The following L3MBTL2 variants were observed in gnomAD, a reference collection of about 807,000 sequenced individuals.
L3MBTL2 encodes the protein lethal(3)malignant brain tumor-like protein 2.
A neutral mutation model predicts 86.4 loss-of-function variants in L3MBTL2; 49 were observed. The ratio of observed to expected loss-of-function variants is 0.57; its 90% CI spans 0.45 to 0.72. L3MBTL2 has a LOEUF of 0.72. L3MBTL2 is among the 30% of genes least tolerant of loss of function. The pLI is 0.00. For synonymous variants in L3MBTL2, 336 were observed against 350.6 expected, an observed-to-expected ratio of 0.96 and a Z score of 0.47; for missense variants, 755 against 923.7, an observed-to-expected ratio of 0.82 and a Z score of 2.37.
chr22:41,225,057 G>A lies in L3MBTL2; in HGVS notation c.1342G>A (p.Ala448Thr). Residue 448 changes from alanine to threonine, a missense_variant, in exon 11 of 17, where the codon GCA becomes ACA. Transcript: ENST00000216237. The surrounding 1 kb of genome is among the most constrained non-coding windows in gnomAD (Gnocchi z 4.1). ...DPLNLGNICV[A>T]TVCKVLLDGY... ...CCTGAATCTGGGCAACATCTGCGTG[G>A]CAACTGTCTGTAAGGTGAGCCAGGG... 1 of 1,613,766 alleles carries A rather than the reference G, an allele frequency of 6.2e-7. No homozygotes were observed. Among genetic ancestry groups the A allele is most frequent in the Non-Finnish European group, 8.5e-7 (1 of 1,179,794 alleles).
rs1896253041 is a variant in L3MBTL2 at position 41,225,651 on chromosome 22, G to C, written c.1357-143G>C. On this transcript the variant is annotated intron_variant, in intron 11 of 16. Coordinates refer to ENST00000216237, the MANE Select transcript of L3MBTL2 (RefSeq NM_031488.5). The surrounding 1 kb of genome is among the most constrained non-coding windows in gnomAD (Gnocchi z 4.1). Reference sequence around the variant, plus strand: ...TCACAGAAGTACTGTGTGCCCCAGAGAGGCTCAGGTGTCCTCCAGGAGGGC... The same window carrying C: ...TCACAGAAGTACTGTGTGCCCCAGACAGGCTCAGGTGTCCTCCAGGAGGGC... The C allele has an allele frequency of 1.3e-6, 1 of 759,078 alleles. No homozygotes were observed. The highest frequency in any genetic ancestry group is 2.8e-5 in the East Asian group (1 of 36,024). The allele number at this position is 759,078 out of a possible 1,614,324, so 47.0% of individuals were successfully genotyped here. A position where few individuals can be genotyped will look rare whatever the true frequency, so the allele number is the denominator to read the frequency against.
intron 4 of L3MBTL2, among the ~76,000 whole-genome samples, chr22:41,216,537 T>C (rs139462): frequency 0.42 from 63,213 of 151,690 alleles, 13,855 homozygotes; most frequent in African/African-American, 0.56. Flanking sequence ...GCTTTTATCC[T>C]TTTGGTTTCT....
At chr22:41,209,557 T>C in intron 1 of L3MBTL2, 139 bp from the exon 2 acceptor site, 1 of 690,150 alleles carries the variant, frequency 1.4e-6, no homozygotes. Context: ...ATAGAAGTAA[T>C]GATCTTGGTG....
At position 41,205,394 on chromosome 22, in the gene L3MBTL2, G is replaced by A. The variant is rs1202615080; in HGVS notation, c.24+8G>A. The A allele has an allele frequency of 1.9e-6, 3 of 1,614,226 alleles. No individual in the cohort carries two copies. Among genetic ancestry groups the A allele is most frequent in the East Asian group, 2.2e-5 (1 of 44,890 alleles). On this transcript the variant is annotated splice_region_variant and intron_variant, in intron 1 of 16. Transcript: ENST00000216237. The stretch of plus-strand genomic sequence containing the variant: ...AAGCCCCGGAGTATTGAGGTGAGAA[G>A]GCGAGGACTTAGCGTGACTGGGAAA...
chr22:41,224,287 G>A lies in L3MBTL2; in HGVS notation c.1174+36G>A, dbSNP rs368929994. 14 of 1,547,930 alleles carry A rather than the reference G, an allele frequency of 9.0e-6. No homozygotes were observed. In the African/African-American group the frequency reaches 1.5e-4, roughly 17 times the overall value. ...CCCCAGGCCAGAGGGACTGCATGCTGTGCTTCCCCAGGGACGGAGTGGGAG... is the reference window on the plus strand; with the variant it reads ...CCCCAGGCCAGAGGGACTGCATGCTATGCTTCCCCAGGGACGGAGTGGGAG... On this transcript the variant is annotated intron_variant, in intron 9 of 16. Transcript: ENST00000216237. This position sits in a 1 kb window ranked among gnomAD's most constrained non-coding sequence, Gnocchi z 4.9.
chr22:41,205,887 C>T (rs1464024662), intron 1 of L3MBTL2: 1 of 161,104 alleles, frequency 6.2e-6, no homozygotes, highest in African/African-American at 2.4e-5. Flanking sequence ...GGAAGTTACC[C>T]CGGCTGGAAA....
At position 41,231,093 on chromosome 22, in the gene L3MBTL2, T is replaced by A. The variant is rs1218555313; in HGVS notation, c.*842T>A. The stretch of plus-strand genomic sequence containing the variant: ...ACTGGAGCCTCTAGAGAGCTGGGCT[T>A]GTATGTTCTTTTGGCCTTTTGTTCC... On this transcript the variant is annotated 3_prime_UTR_variant, in exon 17 of 17. Transcript: ENST00000216237. 1 of 152,172 alleles carries A rather than the reference T, an allele frequency of 6.6e-6. No individual in the cohort carries two copies. Among genetic ancestry groups the A allele is most frequent in the Non-Finnish European group, 1.5e-5 (1 of 68,036 alleles). 9.4% of individuals were successfully genotyped at this position (152,172 alleles called of 1,614,324 possible). A position where few individuals can be genotyped will look rare whatever the true frequency, so the allele number is the denominator to read the frequency against.
chr22:41,217,190 CT>C lies in L3MBTL2; in HGVS notation c.589del (p.Cys197ValfsTer14), dbSNP rs768283583. On this transcript the variant is annotated frameshift_variant, in exon 5 of 17. Coordinates refer to ENST00000216237, the MANE Select transcript of L3MBTL2 (RefSeq NM_031488.5). LOFTEE classifies it high-confidence loss of function. ...DHSYKAAPVS[C>X]FKHVPLYDQW... is the part of the protein sequence containing the mutation. ...ACAGTTACAAGGCTGCTCCCGTCAG[CT>C]GTTTCAAGCACGTGAGTGCCCTGGA... 1.9e-6 allele frequency: 3 copies of C among 1,613,200 alleles called. No individual in the cohort carries two copies. The highest frequency in any genetic ancestry group is 2.5e-6 in the Non-Finnish European group (3 of 1,179,756).
chr22:41,228,982 G>C (rs1230335914), intron 15 of L3MBTL2, among the ~76,000 whole-genome samples: 1 of 152,320 alleles, frequency 6.6e-6, no homozygotes, highest in Admixed American at 6.5e-5. Flanking sequence ...CGGGGGCTGA[G>C]TGTGATGGTT....
At chr22:41,207,705 C>T (rs1417998102) in intron 1 of L3MBTL2, among the ~76,000 whole-genome samples, 1 of 148,722 alleles carries the variant, frequency 6.7e-6, no homozygotes, top group Non-Finnish European at 1.5e-5. Flanking sequence ...CAGTGTCTTC[C>T]CTCTGTCATC....
intron 7 of L3MBTL2, 43 bp downstream of exon 7, chr22:41,220,911 C>T (rs751040326): frequency 5.0e-6 from 8 of 1,591,072 alleles, no homozygotes; most frequent in Non-Finnish European, 6.9e-6. Context: ...CCGTAGGGCC[C>T]CTGGTAGAGG....
rs770073704 is a variant in L3MBTL2 at position 41,227,173 on chromosome 22, G to A, written c.1672G>A (p.Val558Met). 6.2e-7 allele frequency: 1 copy of A among 1,613,790 alleles called. No homozygotes were observed. The highest frequency in any genetic ancestry group is 1.7e-5 in the Admixed American group (1 of 60,030). Residue 558 changes from valine (V) to methionine (M), a missense_variant, in exon 14 of 17, where the codon GTG becomes ATG. Physicochemically the swap from Val to Met is conservative, Grantham distance 21. Transcript: ENST00000216237. The surrounding 1 kb of genome is among the most constrained non-coding windows in gnomAD (Gnocchi z 6.0). ...MEPRLICVATVKRVVHRLLSI... is the reference protein window; with the variant it reads ...MEPRLICVATMKRVVHRLLSI... Reference sequence around the variant, plus strand: ...GCCCCGGCTCATCTGTGTGGCCACGGTGAAACGAGTGGTGCATCGGCTCCT... The same window carrying A: ...GCCCCGGCTCATCTGTGTGGCCACGATGAAACGAGTGGTGCATCGGCTCCT...
At position 41,209,616 on chromosome 22, in the gene L3MBTL2, T is replaced by G. The variant is rs921644569; in HGVS notation, c.25-80T>G. On this transcript the variant is annotated intron_variant, in intron 1 of 16. Transcript: ENST00000216237. ...GTTCCCGAAAGTGTGAGGGGGCTGA[T>G]AGCAGATCTGCAGCTTCTCCCCCCG... 5 of 1,239,108 alleles carry G rather than the reference T, an allele frequency of 4.0e-6. No homozygotes were observed. In the African/African-American group the frequency reaches 5.9e-5, roughly 15 times the overall value. 76.8% of individuals were successfully genotyped at this position (1,239,108 alleles called of 1,614,324 possible).
At position 41,230,070 on chromosome 22, in the gene L3MBTL2, A is replaced by G. The variant is rs541556520; in HGVS notation, c.2006-69A>G. Reference sequence around the variant, plus strand: ...CTGTAGGGAGCCAGGTCCCTTTCCCAGCTCCTCCGCCCCCACCCCTCCCAG... The same window carrying G: ...CTGTAGGGAGCCAGGTCCCTTTCCCGGCTCCTCCGCCCCCACCCCTCCCAG... On this transcript the variant is annotated intron_variant, in intron 16 of 16. Coordinates refer to ENST00000216237, the MANE Select transcript of L3MBTL2 (RefSeq NM_031488.5). 4.2e-5 allele frequency: 44 copies of G among 1,056,346 alleles called. No individual in the cohort carries two copies. In the African/African-American group the frequency reaches 6.6e-4, roughly 16 times the overall value. The allele number at this position is 1,056,346 out of a possible 1,614,324, so 65.4% of individuals were successfully genotyped here. A position where few individuals can be genotyped will look rare whatever the true frequency, so the allele number is the denominator to read the frequency against.
At chr22:41,230,058 G>C in intron 16 of L3MBTL2, 81 bp from the exon 17 acceptor site, 1 of 1,010,536 alleles carries the variant, frequency 9.9e-7, no homozygotes, top group Admixed American at 2.0e-5. Context: ...TAGGGAGCCA[G>C]GTCCCTTTCC....
rs1930851815 is a variant in L3MBTL2, at chr22:41,209,689, C to T, written c.25-7C>T. 1.2e-6 allele frequency: 2 copies of T among 1,613,158 alleles called. No individual in the cohort carries two copies. The highest frequency in any genetic ancestry group is 1.7e-6 in the Non-Finnish European group (2 of 1,179,198). On this transcript the variant is annotated splice_region_variant and splice_polypyrimidine_tract_variant and intron_variant, in intron 1 of 16. Transcript: ENST00000216237. ...CTTTCTACCTGGTTTGTGTCATCCT[C>T]CATTAGGAGACCCCATCTTCAGAAC...
intron 1 of L3MBTL2, among the ~76,000 whole-genome samples, chr22:41,207,984 A>G (rs1250613799): frequency 2.0e-5 from 3 of 151,980 alleles, no homozygotes; most frequent in African/African-American, 4.8e-5. Flanking sequence ...GGCACCCACC[A>G]TCATGCCCAG....
intron 16 of L3MBTL2, 200 bp downstream of exon 16, chr22:41,229,856 A>T: frequency 1.1e-6 from 1 of 909,418 alleles, no homozygotes; most frequent in South Asian, 1.4e-5. Context: ...GTCCCCCTCT[A>T]GCCCGGCCCC....
chr22:41,229,150 A>G (rs770735278), intron 15 of L3MBTL2, among the ~76,000 whole-genome samples: 1 of 152,148 alleles, frequency 6.6e-6, no homozygotes, highest in Non-Finnish European at 1.5e-5. Context: ...CCAGCTACTC[A>G]GGAGGCTAAG....
Sources: allele counts gnomAD v4.1 joint callset (sites outside exome capture counted in the v4.1 genomes callset), GRCh38; gene constraint gnomAD v4.1.1; non-coding constraint Gnocchi (gnomAD v3.1); transcripts MANE v1.5; gene names NCBI Gene and HGNC (gene_info 2026-07-23, HGNC 2026-07-21).